Variants in WNK1 observed in about 807,000 individuals in gnomAD.
WNK1 encodes the protein WNK lysine deficient protein kinase 1.
WNK1 carries 38 observed loss-of-function variants against 222.8 expected under a neutral mutation model. That is an observed-to-expected ratio of 0.17 (90% CI 0.13 to 0.22). WNK1 has a LOEUF of 0.22. Among genes scored for constraint, WNK1 ranks in the 10% least tolerant of loss-of-function variants. WNK1 has a pLI of 1.00. For missense variants in WNK1, 2,348 were observed against 2,918.4 expected (o/e 0.80, Z 4.50); for synonymous variants, 1,090 against 1,092.9 (o/e 1.00, Z 0.05).
intron 8 of WNK1, chr12:868,758 T>C: frequency 6.2e-7 from 1 of 1,614,058 alleles, no homozygotes; most frequent in Admixed American, 1.7e-5. Context: ...TCAGTTGGAT[T>C]ACATGGCTAC....
Position 908,946 on chromosome 12 carries a change from C to A in WNK1, c.*154C>A. ...GAATGTTTTTAATACTGCATTGAGC[C>A]CTCAGAATGGAGAGTCTCCCCCGCT... On this transcript the variant is annotated 3_prime_UTR_variant, in exon 28 of 28. Coordinates refer to ENST00000315939, the MANE Select transcript of WNK1 (RefSeq NM_018979.4). The A allele has an allele frequency of 1.2e-6, 1 of 858,150 alleles. No individual in the cohort carries two copies. The allele number at this position is 858,150 out of a possible 1,614,324, so 53.2% of individuals were successfully genotyped here.
At chr12:862,874 T>C (rs1396869782) in intron 8 of WNK1, among the ~76,000 whole-genome samples, 2 of 152,242 alleles carry the variant, frequency 1.3e-5, no homozygotes, top group Non-Finnish European at 2.9e-5. Context: ...GGTAACTGTT[T>C]TATTACTGAT....
At chr12:907,723 T>C in intron 26 of WNK1, 124 bp from the exon 27 acceptor site, 1 of 1,192,290 alleles carries the variant, frequency 8.4e-7, no homozygotes, top group Non-Finnish European at 1.2e-6. Context: ...CCCTCTTGCA[T>C]GGCTTCCCAG....
In WNK1 at chr12:893,889, A is replaced by C. The variant is rs529137454; in HGVS notation, c.5510-673A>C. Among the ~76,000 whole-genome samples, 195 of 145,332 alleles carry C rather than the reference A, an allele frequency of 1.3e-3. 2 individuals are homozygous for C. The highest frequency in any genetic ancestry group is 4.4e-3 in the African/African-American group (178 of 40,326). On this transcript the variant is annotated intron_variant, in intron 22 of 27. Transcript: ENST00000315939. Reference sequence around the variant, plus strand: ...TCCTATTCTAGAATTTGCCAGTGTTACATTGAGAAAATAAAATTAGCTGGT... The same window carrying C: ...TCCTATTCTAGAATTTGCCAGTGTTCCATTGAGAAAATAAAATTAGCTGGT...
At chr12:807,769 G>A (rs373349212) in intron 1 of WNK1, among the ~76,000 whole-genome samples, 32 of 142,570 alleles carry the variant, frequency 2.2e-4, no homozygotes, top group African/African-American at 7.2e-4. Flanking sequence ...GCCCAGGCTG[G>A]AGTGCAGTGG....
chr12:804,120 G>A (rs905913331), intron 1 of WNK1, among the ~76,000 whole-genome samples: 14 of 152,160 alleles, frequency 9.2e-5, no homozygotes, highest in Admixed American at 9.2e-4. Context: ...ATAAGAAGCA[G>A]AACAGTATCT....
At chr12:893,647 C>A (rs1490521182) in intron 22 of WNK1, among the ~76,000 whole-genome samples, 1 of 151,126 alleles carries the variant, frequency 6.6e-6, no homozygotes, top group Non-Finnish European at 1.5e-5. Context: ...GACGGTGAAA[C>A]CCCGTCTCTA....
intron 22 of WNK1, among the ~76,000 whole-genome samples, chr12:893,086 T>C (rs1592212392): frequency 6.6e-6 from 1 of 152,184 alleles, no homozygotes; most frequent in South Asian, 2.1e-4. Flanking sequence ...GAGACCCCCA[T>C]CTCTGCAAGA....
rs3833517 is a variant in WNK1, at chr12:907,715, C to CT, written c.6644-131dup. ...GCTAAACAAAACCTTGGAATCTTCCCTCTTGCATGGCTTCCCAGTTCATCC... is the reference window on the plus strand; with the variant it reads ...GCTAAACAAAACCTTGGAATCTTCCCTTCTTGCATGGCTTCCCAGTTCATCC... On this transcript the variant is annotated intron_variant, in intron 26 of 27. Transcript: ENST00000315939. The CT allele has an allele frequency of 0.42, 471,540 of 1,120,128 alleles. 102,107 individuals carry two copies. The highest frequency in any genetic ancestry group is 0.58 in the African/African-American group (37,983 of 65,300). The allele number at this position is 1,120,128 out of a possible 1,614,324, so 69.4% of individuals were successfully genotyped here.
At chr12:784,103 C>G (rs1405694336) in intron 1 of WNK1, among the ~76,000 whole-genome samples, 1 of 151,608 alleles carries the variant, frequency 6.6e-6, no homozygotes, top group African/African-American at 2.4e-5. Context: ...TGCCTGTAGT[C>G]CCAGCTACCT....
At chr12:896,010 G>T in intron 23 of WNK1, 61 bp from the exon 24 acceptor site, 1 of 1,603,548 alleles carries the variant, frequency 6.2e-7, no homozygotes, top group Non-Finnish European at 8.5e-7. Flanking sequence ...TTTTTAAATT[G>T]TCTGTGATAG....
At chr12:787,269 T>C (rs1392988237) in intron 1 of WNK1, among the ~76,000 whole-genome samples, 4 of 152,196 alleles carry the variant, frequency 2.6e-5, no homozygotes, top group Non-Finnish European at 4.4e-5. Flanking sequence ...ACTTTTTTAT[T>C]GTAATCCTCT....
intron 1 of WNK1, among the ~76,000 whole-genome samples, chr12:776,533 C>A (rs938973672): frequency 6.6e-6 from 1 of 151,362 alleles, no homozygotes; most frequent in African/African-American, 2.4e-5. Context: ...CAGGTTCAAG[C>A]GATTCTTCTG....
chr12:793,897 C>CA (rs895376614), intron 1 of WNK1, among the ~76,000 whole-genome samples: 2 of 150,598 alleles, frequency 1.3e-5, no homozygotes, highest in African/African-American at 2.4e-5. Context: ...TCACTTCCTC[C>CA]AAAAAAAAAG....
rs189463195 is a variant in WNK1, at chr12:753,238, C to G, written c.-328C>G. The G allele has an allele frequency of 9.0e-3, 2,839 of 316,272 alleles. 20 individuals are homozygous for G. Among genetic ancestry groups the G allele is most frequent in the Non-Finnish European group, 0.012 (2,139 of 171,138 alleles). The allele number at this position is 316,272 out of a possible 1,614,324, so 19.6% of individuals were successfully genotyped here. ...CCCTCCCCTCATGACTGCGGCGCCT[C>G]TGCTGCCACCGCCCGCCCGGCCGCC... On this transcript the variant is annotated 5_prime_UTR_variant, in exon 1 of 28. Transcript: ENST00000315939. The surrounding 1 kb of genome is among the most constrained non-coding windows in gnomAD (Gnocchi z 5.2).
At position 910,518 on chromosome 12, in the gene WNK1, A is replaced by ATTAT. The variant is rs1956008556; in HGVS notation, c.*1729_*1732dup. 1 of 151,982 alleles carries ATTAT rather than the reference A, an allele frequency of 6.6e-6. No individual in the cohort carries two copies. Among genetic ancestry groups the ATTAT allele is most frequent in the African/African-American group, 2.4e-5 (1 of 41,398 alleles). The allele number at this position is 151,982 out of a possible 1,614,324, so 9.4% of individuals were successfully genotyped here. On this transcript the variant is annotated 3_prime_UTR_variant, in exon 28 of 28. Coordinates refer to ENST00000315939, the MANE Select transcript of WNK1 (RefSeq NM_018979.4). ...GCCTCCTTGTAATGGGTAGTTATTAATTATTTTCAGAGCTTTCCGGAAATA... is the reference window on the plus strand; with the variant it reads ...GCCTCCTTGTAATGGGTAGTTATTAATTATTTATTTTCAGAGCTTTCCGGAAATA...
In WNK1 at chr12:881,810, C is replaced by T; in HGVS notation, c.3209+21C>T. On this transcript the variant is annotated intron_variant, in intron 13 of 27. Transcript: ENST00000315939. ...GACAGGTACGTAAAACTAGAATTCT[C>T]CTTCCTTGACTGGTAAATAAGACGG... 2.5e-6 allele frequency: 4 copies of T among 1,613,914 alleles called. No individual in the cohort carries two copies. In the South Asian group the frequency reaches 4.4e-5, roughly 18 times the overall value.
intron 11 of WNK1, among the ~76,000 whole-genome samples, 167 bp from the exon 12 acceptor site, chr12:880,554 T>A (rs1355462193): frequency 2.6e-5 from 4 of 152,166 alleles, no homozygotes; most frequent in Non-Finnish European, 5.9e-5. Context: ...GTCTACTACT[T>A]CATTTCAAGA....
rs915039354 is a variant in WNK1 at position 761,417 on chromosome 12, G to C, written c.759+7093G>C. ...GAATTCTTAAGAATTTTAACAGTTT[G>C]AATTTAAGAGTGTTTGGAAATTTGC... On this transcript the variant is annotated intron_variant, in intron 1 of 27. Coordinates refer to ENST00000315939, the MANE Select transcript of WNK1 (RefSeq NM_018979.4). Among the ~76,000 whole-genome samples the C allele has an allele frequency of 1.4e-5, 2 of 147,938 alleles. 1 individual carries two copies. The highest frequency in any genetic ancestry group is 3.0e-5 in the Non-Finnish European group (2 of 66,160).
Sources: allele counts gnomAD v4.1 joint callset (sites outside exome capture counted in the v4.1 genomes callset), GRCh38; gene constraint gnomAD v4.1.1; non-coding constraint Gnocchi (gnomAD v3.1); transcripts MANE v1.5; gene names NCBI Gene and HGNC (gene_info 2026-07-23, HGNC 2026-07-21).